The following DENND1A variants were observed in gnomAD, a reference collection of about 807,000 sequenced individuals.
DENND1A encodes DENN domain containing 1A.
In DENND1A, 51 loss-of-function variants were observed where a neutral mutation model predicts 113.7. The ratio of observed to expected loss-of-function variants is 0.45; its 90% confidence interval spans 0.36 to 0.57. The LOEUF is 0.57. Ranked by LOEUF, DENND1A falls within the 20% of genes least tolerant of loss-of-function variation. The pLI is 0.00. For missense variants in DENND1A, 1,258 were observed against 1,395.9 expected, an observed-to-expected ratio of 0.90 and a Z score of 1.57; for synonymous variants, 565 against 570.8, an observed-to-expected ratio of 0.99 and a Z score of 0.14.
rs1311407778 is a variant in DENND1A at position 123,403,398 on chromosome 9, T to C, written c.1631+4A>G. 7 of 1,613,960 alleles carry C rather than the reference T, an allele frequency of 4.3e-6. No individual in the cohort carries two copies. Among genetic ancestry groups the C allele is most frequent in the Non-Finnish European group, 5.9e-6 (7 of 1,179,938 alleles). ...CAGACAGAGGGGAGAGGCACAATACTCACTGCTCAGGGCTCGGCACAGACG... is the reference window on the plus strand; with the variant it reads ...CAGACAGAGGGGAGAGGCACAATACCCACTGCTCAGGGCTCGGCACAGACG... On this transcript the variant is annotated splice_donor_region_variant and intron_variant, in intron 21 of 23. Transcript: ENST00000394215.
At chr9:123,448,674 C>T (rs920904687) in intron 18 of DENND1A, among the ~76,000 whole-genome samples, 2 of 152,218 alleles carry the variant, frequency 1.3e-5, no homozygotes, top group Admixed American at 1.3e-4. Context: ...TGGCAGGGTG[C>T]AAACAGACTA....
Position 123,905,979 on chromosome 9 carries a change from T to A in DENND1A, c.17+23910A>T, listed in dbSNP as rs1378009902. Among the ~76,000 whole-genome samples the A allele has an allele frequency of 3.5e-4, 53 of 151,410 alleles. 1 individual carries two copies. Among genetic ancestry groups the A allele is most frequent in the Non-Finnish European group, 4.4e-5 (3 of 67,790 alleles). Reference sequence around the variant, plus strand: ...GAAGTAAAGCTCTCCTCAGCAAATGTAAAAGAACAGAGATTATAACAAACT... The same window carrying A: ...GAAGTAAAGCTCTCCTCAGCAAATGAAAAAGAACAGAGATTATAACAAACT... On this transcript the variant is annotated intron_variant, in intron 1 of 23. Coordinates refer to ENST00000394215, the MANE Select transcript of DENND1A (RefSeq NM_001352964.2).
chr9:123,684,910 A>T (rs1371666562), intron 5 of DENND1A, among the ~76,000 whole-genome samples: 1 of 152,194 alleles, frequency 6.6e-6, no homozygotes. Context: ...GCACTGGGTC[A>T]GTGCTTTGAT....
intron 5 of DENND1A, among the ~76,000 whole-genome samples, chr9:123,702,648 C>G (rs73665339): frequency 0.18 from 27,954 of 152,030 alleles, 2,762 homozygotes; most frequent in African/African-American, 0.27. Context: ...GGAAAGACTG[C>G]GATGATATAT....
At chr9:123,546,266 T>G (rs60436235) in intron 13 of DENND1A, among the ~76,000 whole-genome samples, 5,549 of 151,788 alleles carry the variant, frequency 0.037, 383 homozygotes, top group African/African-American at 0.13. Flanking sequence ...AACTAAGTAT[T>G]GGCCGGGCGA....
At chr9:123,742,379 A>AG (rs1439799476) in intron 5 of DENND1A, among the ~76,000 whole-genome samples, 3 of 152,230 alleles carry the variant, frequency 2.0e-5, no homozygotes, top group Non-Finnish European at 4.4e-5. Flanking sequence ...TTAAGGTCAC[A>AG]GGCCACACTA....
chr9:123,738,441 T>TTGTGTGTGTGTGTGTGTG lies in DENND1A; in HGVS notation c.302+19261_302+19262insCACACACACACACACACA, dbSNP rs760641686. On this transcript the variant is annotated intron_variant, in intron 5 of 23. Transcript: ENST00000394215. ...AATGAAAAACTGCCGTGTCAACAGCTTCTGTGTGTGTGTGTGTGTGTGTGT... is the reference window on the plus strand; with the variant it reads ...AATGAAAAACTGCCGTGTCAACAGCTTGTGTGTGTGTGTGTGTGTCTGTGTGTGTGTGTGTGTGTGTGT... Among the ~76,000 whole-genome samples, 77 of 123,446 alleles carry TTGTGTGTGTGTGTGTGTG rather than the reference T, an allele frequency of 6.2e-4. 1 individual carries two copies. The highest frequency in any genetic ancestry group is 1.1e-3 in the Non-Finnish European group (63 of 59,364). The allele number at this position is 123,446 out of a possible 152,430, so 81.0% of individuals were successfully genotyped here. A position where few individuals can be genotyped will look rare whatever the true frequency, so the allele number is the denominator to read the frequency against.
At chr9:123,521,120 C>T (rs995545892) in intron 13 of DENND1A, among the ~76,000 whole-genome samples, 5 of 152,250 alleles carry the variant, frequency 3.3e-5, no homozygotes, top group South Asian at 4.2e-4. Flanking sequence ...ATTACCAAGA[C>T]GCGGTTCCCC....
chr9:123,382,161 C>T lies in DENND1A; in HGVS notation c.2484G>A (p.Pro828=), dbSNP rs146544934. The T allele has an allele frequency of 1.3e-4, 201 of 1,605,618 alleles. No individual in the cohort carries two copies. In the African/African-American group the frequency reaches 1.6e-3, roughly 13 times the overall value. Residue 828 remains proline (P), a synonymous_variant, in exon 24 of 24, where the codon CCG becomes CCA. Transcript: ENST00000394215. The part of the protein sequence containing the change: ...VPQGPTELLQ[P]LSPGPGAAGT... The stretch of plus-strand genomic sequence containing the variant: ...CTGCAGCCCCGGGGCCAGGGCTGAG[C>T]GGCTGGAGCAGTTCAGTGGGGCCTT...
At chr9:123,748,056 A>G (rs1351336372) in intron 5 of DENND1A, among the ~76,000 whole-genome samples, 1 of 152,226 alleles carries the variant, frequency 6.6e-6, no homozygotes, top group East Asian at 1.9e-4. Context: ...TAAAAAGAAG[A>G]TAAGCCTTAG....
intron 18 of DENND1A, among the ~76,000 whole-genome samples, chr9:123,444,994 G>A (rs1281517825): frequency 6.6e-6 from 1 of 152,202 alleles, no homozygotes; most frequent in Non-Finnish European, 1.5e-5. Context: ...AGAGAGTTAC[G>A]GGGGTCCTGC....
At chr9:123,774,236 T>C (rs1336745889) in intron 3 of DENND1A, among the ~76,000 whole-genome samples, 4 of 152,162 alleles carry the variant, frequency 2.6e-5, no homozygotes, top group Admixed American at 6.6e-5. Context: ...AAAAGCCTGA[T>C]TGACGATCTT....
At chr9:123,448,372 A>C (rs2047461718) in intron 18 of DENND1A, among the ~76,000 whole-genome samples, 1 of 152,228 alleles carries the variant, frequency 6.6e-6, no homozygotes, top group Non-Finnish European at 1.5e-5. Flanking sequence ...ACATACAAGT[A>C]GGGAGGTAAG....
chr9:123,517,342 C>T (rs917146300), intron 13 of DENND1A, among the ~76,000 whole-genome samples: 11 of 151,794 alleles, frequency 7.2e-5, no homozygotes, highest in East Asian at 3.9e-4. Context: ...AAGGGAGGGC[C>T]GGGCATGGTG....
At chr9:123,730,840 A>T (rs2068108207) in intron 5 of DENND1A, among the ~76,000 whole-genome samples, 1 of 152,204 alleles carries the variant, frequency 6.6e-6, no homozygotes. Flanking sequence ...ACAACAGCAA[A>T]GACTTGGAAC....
intron 13 of DENND1A, among the ~76,000 whole-genome samples, chr9:123,479,252 C>T (rs571241030): frequency 2.6e-5 from 4 of 152,144 alleles, no homozygotes; most frequent in Non-Finnish European, 5.9e-5. Context: ...TGTCACCTGC[C>T]ACCTTTCAAA....
intron 5 of DENND1A, among the ~76,000 whole-genome samples, chr9:123,688,391 T>C (rs540315491): frequency 7.5e-4 from 114 of 152,350 alleles, no homozygotes; most frequent in Non-Finnish European, 1.5e-3. Context: ...ATAGACAGCA[T>C]TCATTCACTC....
At chr9:123,723,001 T>C (rs2067448791) in intron 5 of DENND1A, among the ~76,000 whole-genome samples, 1 of 152,144 alleles carries the variant, frequency 6.6e-6, no homozygotes, top group Admixed American at 6.5e-5. Context: ...AGATACTCAA[T>C]ACCAGCCCAT....
intron 4 of DENND1A, among the ~76,000 whole-genome samples, chr9:123,766,722 A>G (rs963870111): frequency 2.0e-5 from 3 of 152,246 alleles, no homozygotes; most frequent in Admixed American, 1.3e-4. Context: ...ACCTGCTCTT[A>G]TCTCTTATGA....
Sources: allele counts gnomAD v4.1 joint callset (sites outside exome capture counted in the v4.1 genomes callset), GRCh38; gene constraint gnomAD v4.1.1; transcripts MANE v1.5; gene names NCBI Gene and HGNC (gene_info 2026-07-23, HGNC 2026-07-21).